The following SLC16A7 variants were observed in gnomAD, a reference collection of about 807,000 sequenced individuals.
SLC16A7 encodes solute carrier family 16 member 7.
In SLC16A7, 33 loss-of-function variants were observed where a neutral mutation model predicts 34.9. The ratio of observed to expected loss-of-function variants is 0.94; its 90% CI spans 0.72 to 1.26. SLC16A7 has a LOEUF of 1.26. Among genes scored for constraint, SLC16A7 ranks in the 50% most tolerant of loss-of-function variants. SLC16A7 has a pLI of 0.00. For missense variants in SLC16A7, 573 were observed against 578.1 expected, an observed-to-expected ratio of 0.99 and a Z score of 0.09; for synonymous variants, 201 against 206.6, an observed-to-expected ratio of 0.97 and a Z score of 0.23.
chr12:59,670,178 A>G (rs1869557170), intron 2 of SLC16A7, among the ~76,000 whole-genome samples: 1 of 152,170 alleles, frequency 6.6e-6, no homozygotes, highest in Admixed American at 6.5e-5. Context: ...TTATGCCTGT[A>G]TCTTCAAATG....
intron 2 of SLC16A7, among the ~76,000 whole-genome samples, chr12:59,697,064 GAT>G (rs1223503030): frequency 6.6e-6 from 1 of 151,902 alleles, no homozygotes. Context: ...TGAAAGGAAT[GAT>G]TTGTGTAGCA....
intron 4 of SLC16A7, among the ~76,000 whole-genome samples, chr12:59,772,175 T>G (rs1162087054): frequency 1.3e-5 from 2 of 152,186 alleles, no homozygotes; most frequent in African/African-American, 2.4e-5. Context: ...TTTACACTCA[T>G]GTAATCTTAC....
At chr12:59,667,746 A>G (rs1869324816) in intron 2 of SLC16A7, among the ~76,000 whole-genome samples, 1 of 152,210 alleles carries the variant, frequency 6.6e-6, no homozygotes, top group Non-Finnish European at 1.5e-5. Flanking sequence ...CACCAAGACA[A>G]TGAAGAAAAC....
chr12:59,751,185 C>T (rs7972335), intron 3 of SLC16A7, among the ~76,000 whole-genome samples: 5,257 of 152,236 alleles, frequency 0.035, 276 homozygotes, highest in African/African-American at 0.12. Flanking sequence ...ACGCAGAAGA[C>T]GGGTGATTTC....
intron 2 of SLC16A7, among the ~76,000 whole-genome samples, chr12:59,687,088 T>A (rs1871219602): frequency 6.6e-6 from 1 of 151,874 alleles, no homozygotes; most frequent in Admixed American, 6.6e-5. Flanking sequence ...ATTAATAAAA[T>A]CATATAAACT....
chr12:59,656,793 T>C (rs921828612), intron 2 of SLC16A7, among the ~76,000 whole-genome samples: 8 of 151,972 alleles, frequency 5.3e-5, no homozygotes, highest in Non-Finnish European at 1.0e-4. Context: ...TTAAGTATGC[T>C]CATAGGGCTA....
rs532907193 is a variant in SLC16A7 at position 59,779,532 on chromosome 12, A to C, written c.1290A>C (p.Arg430Ser). The C allele has an allele frequency of 3.1e-6, 5 of 1,613,078 alleles. No individual in the cohort carries two copies. In the East Asian group the frequency reaches 8.9e-5, roughly 29 times the overall value. ...WLLIGNAINY[R>S]LLAKERKEEN... Reference sequence around the variant, plus strand: ...TCATTGGCAATGCTATCAACTATAGATTGCTTGCAAAGGAAAGGAAGGAGG... The same window carrying C: ...TCATTGGCAATGCTATCAACTATAGCTTGCTTGCAAAGGAAAGGAAGGAGG... The change falls in exon 6 of 6, where the codon AGA becomes AGC. Residue 430 changes from arginine to serine, a missense_variant. Physicochemically the swap from Arg to Ser is moderately radical, Grantham distance 110. Coordinates refer to ENST00000547379, the MANE Select transcript of SLC16A7 (RefSeq NM_001270623.2).
intron 2 of SLC16A7, among the ~76,000 whole-genome samples, chr12:59,669,050 C>T (rs921330661): frequency 5.9e-5 from 9 of 152,118 alleles, no homozygotes; most frequent in African/African-American, 2.2e-4. Context: ...ATAAATGACC[C>T]AGTCTTGAAT....
chr12:59,758,666 TG>T (rs759792197), intron 3 of SLC16A7, among the ~76,000 whole-genome samples: 1 of 152,154 alleles, frequency 6.6e-6, no homozygotes, highest in Non-Finnish European at 1.5e-5. Flanking sequence ...TTGAGAAGAA[TG>T]TGTAAACCAC....
chr12:59,608,757 T>A (rs1879057680), intron 1 of SLC16A7, among the ~76,000 whole-genome samples: 1 of 152,220 alleles, frequency 6.6e-6, no homozygotes, highest in Non-Finnish European at 1.5e-5. Flanking sequence ...TTGTTTTCAT[T>A]TTATTTTTGT....
chr12:59,708,367 T>C (rs763944507), intron 3 of SLC16A7, among the ~76,000 whole-genome samples: 1 of 152,150 alleles, frequency 6.6e-6, no homozygotes, highest in Non-Finnish European at 1.5e-5. Flanking sequence ...CAAGCATCTC[T>C]GAAAACAACT....
chr12:59,742,009 G>A (rs931293399), intron 3 of SLC16A7, among the ~76,000 whole-genome samples: 1 of 152,134 alleles, frequency 6.6e-6, no homozygotes, highest in African/African-American at 2.4e-5. Context: ...AGAGATCCTA[G>A]CGGGTGATTT....
intron 2 of SLC16A7, among the ~76,000 whole-genome samples, chr12:59,697,398 G>A (rs750788112): frequency 6.6e-6 from 1 of 151,974 alleles, no homozygotes; most frequent in Non-Finnish European, 1.5e-5. Flanking sequence ...CACGCACGTG[G>A]GTGCACATGT....
At chr12:59,743,381 G>A (rs1041186463) in intron 3 of SLC16A7, among the ~76,000 whole-genome samples, 2 of 152,084 alleles carry the variant, frequency 1.3e-5, no homozygotes, top group Non-Finnish European at 2.9e-5. Flanking sequence ...CTGATAATTT[G>A]CCATCTCTAA....
chr12:59,742,852 T>G (rs971196776), intron 3 of SLC16A7, among the ~76,000 whole-genome samples: 2 of 152,204 alleles, frequency 1.3e-5, no homozygotes, highest in African/African-American at 4.8e-5. Context: ...TATAAATCCA[T>G]GCACAGTTAA....
chr12:59,684,841 AC>A (rs751494767), intron 2 of SLC16A7, among the ~76,000 whole-genome samples: 6 of 152,160 alleles, frequency 3.9e-5, no homozygotes, highest in Non-Finnish European at 8.8e-5. Flanking sequence ...CCCTATTGTC[AC>A]CAAACCTGGA....
chr12:59,771,356 A>G lies in SLC16A7; in HGVS notation c.355A>G (p.Ile119Val), dbSNP rs775071557. 2.4e-5 allele frequency: 39 copies of G among 1,597,394 alleles called. No homozygotes were observed. Among genetic ancestry groups the G allele is most frequent in the Non-Finnish European group, 3.0e-5 (35 of 1,171,984 alleles). Reference protein sequence around the residue: ...VVQLYLTMGFITGLGLAFNLQ... With the variant: ...VVQLYLTMGFVTGLGLAFNLQ... ...ACAGCTGTACCTCACTATGGGATTC[A>G]TTACAGGTAAGCCATTTAGTCTTCA... is the stretch of plus-strand genomic sequence containing the variant. Residue 119 changes from isoleucine to valine, a missense_variant, in exon 4 of 6, where the codon ATT becomes GTT. Transcript: ENST00000547379.
At chr12:59,692,859 A>G (rs1182355701) in intron 2 of SLC16A7, among the ~76,000 whole-genome samples, 1 of 152,016 alleles carries the variant, frequency 6.6e-6, no homozygotes, top group Non-Finnish European at 1.5e-5. Flanking sequence ...GAAGAATAAA[A>G]TAGCCTCTCG....
chr12:59,628,413 T>G (rs1446978437), intron 1 of SLC16A7, among the ~76,000 whole-genome samples: 1 of 151,896 alleles, frequency 6.6e-6, no homozygotes. Context: ...TCTTTATATC[T>G]GAAATGATTT....
Sources: allele counts gnomAD v4.1 joint callset (sites outside exome capture counted in the v4.1 genomes callset), GRCh38; gene constraint gnomAD v4.1.1; transcripts MANE v1.5; gene names NCBI Gene and HGNC (gene_info 2026-07-23, HGNC 2026-07-21).